The following TFDP1 variants were observed in gnomAD, a reference collection of about 807,000 sequenced individuals.
The protein encoded by TFDP1 is transcription factor Dp-1, also known as DRTF1-polypeptide 1.
TFDP1 carries 6 observed loss-of-function variants against 48.0 expected under a neutral mutation model. The ratio of observed to expected loss-of-function variants is 0.13; its 90% CI spans 0.07 to 0.25. TFDP1 has a LOEUF of 0.25. Ranked by LOEUF, TFDP1 falls within the 10% of genes least tolerant of loss-of-function variation. TFDP1 has a pLI of 1.00. For missense variants in TFDP1, 335 were observed against 543.0 expected (o/e 0.62, Z 3.81); for synonymous variants, 201 against 211.6 (o/e 0.95, Z 0.44).
chr13:113,628,460 C>T (rs972266524), intron 4 of TFDP1, among the ~76,000 whole-genome samples: 3 of 152,306 alleles, frequency 2.0e-5, no homozygotes, highest in South Asian at 2.1e-4. Flanking sequence ...GTGAGGGAGT[C>T]GTGAGGGCGG....
chr13:113,620,974 A>G (rs749893751), intron 3 of TFDP1, among the ~76,000 whole-genome samples: 2 of 152,268 alleles, frequency 1.3e-5, no homozygotes, highest in African/African-American at 4.8e-5. Flanking sequence ...AGAAATTACT[A>G]AGTGTCCTTA....
rs1230655221 is a variant in TFDP1 at position 113,617,424 on chromosome 13, A to ATGCAGAGCCGCTCACC, written c.80-5733_80-5718dup. On this transcript the variant is annotated intron_variant, in intron 3 of 11. Coordinates refer to ENST00000375370, the MANE Select transcript of TFDP1 (RefSeq NM_007111.5). The stretch of plus-strand genomic sequence containing the variant: ...GCGAGCCAGTCACAGAGGCACTCAC[A>ATGCAGAGCCGCTCACC]TGCAGAGCCGCTCACCTGCAGAGCC... 4.9e-4 allele frequency among the ~76,000 whole-genome samples: 68 copies of ATGCAGAGCCGCTCACC among 140,108 alleles called. 1 individual carries two copies. Among genetic ancestry groups the ATGCAGAGCCGCTCACC allele is most frequent in the Admixed American group, 3.0e-3 (45 of 14,778 alleles). The allele number at this position is 140,108 out of a possible 152,430, so 91.9% of individuals were successfully genotyped here.
chr13:113,630,494 G>T (rs1033440585), intron 4 of TFDP1, among the ~76,000 whole-genome samples: 2 of 152,124 alleles, frequency 1.3e-5, no homozygotes, highest in East Asian at 3.9e-4. Context: ...GAGCTGGGGG[G>T]GCCCAGCTTA....
intron 3 of TFDP1, among the ~76,000 whole-genome samples, chr13:113,616,639 G>A (rs949139165): frequency 2.6e-5 from 4 of 152,116 alleles, no homozygotes; most frequent in Non-Finnish European, 4.4e-5. Context: ...CATATCTGTC[G>A]GCTTTAGGGT....
At chr13:113,631,838 G>A (rs1288106227) in intron 5 of TFDP1, 94 bp downstream of exon 5, 87 of 1,523,130 alleles carry the variant, frequency 5.7e-5, no homozygotes, top group Non-Finnish European at 7.4e-5. Flanking sequence ...ACAGTCGTGC[G>A]ATGGGGCTCC....
intron 2 of TFDP1, among the ~76,000 whole-genome samples, chr13:113,605,155 C>T (rs1010571507): frequency 2.0e-5 from 3 of 150,742 alleles, no homozygotes; most frequent in African/African-American, 7.3e-5. Flanking sequence ...GGCGGGGGGG[C>T]GTCATAACAT....
At position 113,635,964 on chromosome 13, in the gene TFDP1, T is replaced by C; in HGVS notation, c.688-13T>C. Reference sequence around the variant, plus strand: ...GCCGCCACGGGCCACCTGGCTCCTCTTATTTTTTTTAGCAAATTGCCTTCA... The same window carrying C: ...GCCGCCACGGGCCACCTGGCTCCTCCTATTTTTTTTAGCAAATTGCCTTCA... On this transcript the variant is annotated splice_polypyrimidine_tract_variant and intron_variant, in intron 8 of 11. Transcript: ENST00000375370. 6.2e-7 allele frequency: 1 copy of C among 1,612,410 alleles called. No individual in the cohort carries two copies. The highest frequency in any genetic ancestry group is 8.5e-7 in the Non-Finnish European group (1 of 1,179,066).
intron 8 of TFDP1, 151 bp from the exon 9 acceptor site, chr13:113,635,826 T>G: frequency 1.2e-6 from 1 of 845,396 alleles, no homozygotes; most frequent in Non-Finnish European, 1.8e-6. Context: ...GCTGCAGAGG[T>G]CAGCACCCAG....
intron 2 of TFDP1, 31 bp from the exon 3 acceptor site, chr13:113,610,965 A>T: frequency 6.2e-7 from 1 of 1,608,624 alleles, no homozygotes; most frequent in East Asian, 2.2e-5. Context: ...TTTAGCTGTC[A>T]TATTTATTAT....
chr13:113,634,315 C>T, intron 7 of TFDP1: 1 of 633,876 alleles, frequency 1.6e-6, no homozygotes, highest in Non-Finnish European at 2.8e-6. Flanking sequence ...ATAGTTAAAT[C>T]CAAGAAATGA....
chr13:113,634,234 G>A (rs1488741971), intron 7 of TFDP1: 15 of 765,600 alleles, frequency 2.0e-5, no homozygotes, highest in Non-Finnish European at 2.9e-5. Context: ...ACCCACTAGA[G>A]TCTGTTAAAC....
intron 4 of TFDP1, among the ~76,000 whole-genome samples, chr13:113,624,631 G>C (rs925953135): frequency 2.1e-5 from 3 of 145,470 alleles, no homozygotes; most frequent in African/African-American, 7.8e-5. Context: ...GTCTTCAGGT[G>C]TCTCTCAGGG....
intron 3 of TFDP1, among the ~76,000 whole-genome samples, chr13:113,616,751 C>T (rs1268215804): frequency 6.6e-6 from 1 of 152,102 alleles, no homozygotes; most frequent in Non-Finnish European, 1.5e-5. Context: ...TAACTGTGCC[C>T]CTTGCCCCCC....
intron 3 of TFDP1, among the ~76,000 whole-genome samples, chr13:113,614,606 C>T (rs989288518): frequency 1.4e-4 from 21 of 152,212 alleles, no homozygotes; most frequent in Non-Finnish European, 2.4e-4. Flanking sequence ...GCCGAGGCTC[C>T]TCATGGGCCC....
At chr13:113,628,292 A>G (rs2049242468) in intron 4 of TFDP1, among the ~76,000 whole-genome samples, 1 of 152,150 alleles carries the variant, frequency 6.6e-6, no homozygotes, top group African/African-American at 2.4e-5. Flanking sequence ...GGAGCCGTGT[A>G]AAGACTGTGT....
intron 2 of TFDP1, among the ~76,000 whole-genome samples, chr13:113,586,635 T>G (rs2048011277): frequency 6.6e-6 from 1 of 152,356 alleles, no homozygotes; most frequent in African/African-American, 2.4e-5. Context: ...AGTCCGCACA[T>G]GCTGCCTCTG....
At chr13:113,625,274 G>C (rs1426384582) in intron 4 of TFDP1, among the ~76,000 whole-genome samples, 1 of 123,480 alleles carries the variant, frequency 8.1e-6, no homozygotes, top group Non-Finnish European at 1.6e-5. Flanking sequence ...ATGTCCTCAG[G>C]TGTCTCTCAC....
chr13:113,631,562 G>T, intron 4 of TFDP1, 61 bp from the exon 5 acceptor site: 1 of 1,567,336 alleles, frequency 6.4e-7, no homozygotes, highest in Non-Finnish European at 8.6e-7. Flanking sequence ...CAGATGGTGG[G>T]CATGGCACCC....
chr13:113,596,643 G>A (rs917723691), intron 2 of TFDP1, among the ~76,000 whole-genome samples: 2 of 152,230 alleles, frequency 1.3e-5, no homozygotes, highest in African/African-American at 4.8e-5. Context: ...GGTGGAGTCG[G>A]CTAGCCACGA....
Sources: allele counts gnomAD v4.1 joint callset (sites outside exome capture counted in the v4.1 genomes callset), GRCh38; gene constraint gnomAD v4.1.1; transcripts MANE v1.5; gene names NCBI Gene and HGNC (gene_info 2026-07-23, HGNC 2026-07-21).